Variants in CDK14 observed in about 807,000 individuals in gnomAD.
The protein encoded by CDK14 is cyclin-dependent kinase 14.
Under a neutral mutation model 60.7 loss-of-function variants are expected in CDK14, and 34 were observed. The observed-to-expected ratio is 0.56, with a 90% CI of 0.43 to 0.75. The LOEUF is 0.75. Among genes scored for constraint, CDK14 ranks in the 30% least tolerant of loss-of-function variants. The pLI is 0.00. For synonymous variants in CDK14, 197 were observed against 203.7 expected (o/e 0.97, Z 0.28); for missense variants, 482 against 564.1 (o/e 0.85, Z 1.47).
chr7:90,706,716 A>G (rs899207325), intron 2 of CDK14, among the ~76,000 whole-genome samples: 4 of 152,168 alleles, frequency 2.6e-5, no homozygotes, highest in African/African-American at 7.2e-5. Context: ...AGAACAGCAA[A>G]CAGAAACATT....
chr7:90,942,514 A>T (rs1326839961), intron 8 of CDK14, among the ~76,000 whole-genome samples: 1 of 152,218 alleles, frequency 6.6e-6, no homozygotes, highest in African/African-American at 2.4e-5. Flanking sequence ...TCCTTGTGAG[A>T]TTTAGACTTA....
chr7:90,840,403 G>A (rs1391819534), intron 5 of CDK14, among the ~76,000 whole-genome samples: 1 of 152,158 alleles, frequency 6.6e-6, no homozygotes, highest in African/African-American at 2.4e-5. Flanking sequence ...TTTCTTTAAA[G>A]CCATAGTGAT....
chr7:91,099,475 T>C (rs527401251), intron 12 of CDK14, among the ~76,000 whole-genome samples: 3 of 152,284 alleles, frequency 2.0e-5, no homozygotes, highest in African/African-American at 7.2e-5. Flanking sequence ...ATCTTTATTC[T>C]CCAAATAGTA....
At chr7:90,996,186 A>T (rs1795677025) in intron 10 of CDK14, among the ~76,000 whole-genome samples, 1 of 152,204 alleles carries the variant, frequency 6.6e-6, no homozygotes, top group African/African-American at 2.4e-5. Flanking sequence ...GCAAATGAAT[A>T]TTTGTAATCA....
chr7:90,805,488 G>A (rs933121898), intron 5 of CDK14, among the ~76,000 whole-genome samples: 2 of 151,758 alleles, frequency 1.3e-5, no homozygotes, highest in African/African-American at 4.8e-5. Flanking sequence ...TGAACATGTG[G>A]AAAACAAAAT....
intron 11 of CDK14, among the ~76,000 whole-genome samples, chr7:91,068,807 TAAAAAAAAAAAA>T (rs57179045): frequency 1.5e-5 from 1 of 68,794 alleles, no homozygotes; most frequent in African/African-American, 5.3e-5. Flanking sequence ...TACCTTATAT[TAAAAAAAAAAAA>T]AAAAAAAAAA....
chr7:90,750,153 AACACACACACACACACACACACACACAC>A (rs3138824), intron 4 of CDK14, among the ~76,000 whole-genome samples: 21 of 131,320 alleles, frequency 1.6e-4, no homozygotes, highest in Admixed American at 7.4e-4. Flanking sequence ...GGGGAAAGAA[AACACACACACACACACACACACACACAC>A]ACACACACAC....
At position 91,129,345 on chromosome 7, in the gene CDK14, C is replaced by T. The variant is rs145282121; in HGVS notation, c.*28+11137C>T. Among the ~76,000 whole-genome samples the T allele has an allele frequency of 9.2e-3, 1,397 of 152,030 alleles. 15 individuals are homozygous for T. The highest frequency in any genetic ancestry group is 0.03 in the African/African-American group (1,261 of 41,450). On this transcript the variant is annotated intron_variant, in intron 14 of 14. Coordinates refer to ENST00000380050, the MANE Select transcript of CDK14 (RefSeq NM_001287135.2). ...CCACACAATTCAATTTTGGAGGGGGCGGAAAAAGCTTCACTTAATAATATT... is the reference window on the plus strand; with the variant it reads ...CCACACAATTCAATTTTGGAGGGGGTGGAAAAAGCTTCACTTAATAATATT...
intron 11 of CDK14, among the ~76,000 whole-genome samples, chr7:91,053,812 G>T (rs891901547): frequency 1.3e-5 from 2 of 152,106 alleles, no homozygotes; most frequent in Non-Finnish European, 2.9e-5. Flanking sequence ...ACTGCGGGGG[G>T]GCTCTTTGTG....
chr7:90,855,325 T>TAATG (rs1435596064), intron 5 of CDK14, among the ~76,000 whole-genome samples: 6 of 152,344 alleles, frequency 3.9e-5, no homozygotes, highest in Non-Finnish European at 8.8e-5. Flanking sequence ...ACTGCAGTTA[T>TAATG]AATGATTCAT....
At chr7:90,973,251 G>A (rs1794977978) in intron 9 of CDK14, among the ~76,000 whole-genome samples, 2 of 152,130 alleles carry the variant, frequency 1.3e-5, no homozygotes, top group South Asian at 4.2e-4. Flanking sequence ...TTTCAATTAG[G>A]AAATTATGTA....
At chr7:91,203,434 G>A (rs1802789193) in intron 14 of CDK14, among the ~76,000 whole-genome samples, 1 of 152,194 alleles carries the variant, frequency 6.6e-6, no homozygotes. Flanking sequence ...AGAACATACT[G>A]ATGCCACCTG....
intron 6 of CDK14, among the ~76,000 whole-genome samples, chr7:90,873,641 A>G (rs1030384535): frequency 1.3e-5 from 2 of 152,152 alleles, no homozygotes; most frequent in African/African-American, 4.8e-5. Flanking sequence ...ATGTATTTAG[A>G]TTAAGTCAAT....
intron 6 of CDK14, among the ~76,000 whole-genome samples, chr7:90,870,551 G>A (rs1791338173): frequency 6.6e-6 from 1 of 152,120 alleles, no homozygotes; most frequent in African/African-American, 2.4e-5. Flanking sequence ...AATACATTCG[G>A]ATACAGGGCA....
At chr7:90,647,703 A>G (rs966801453) in intron 2 of CDK14, among the ~76,000 whole-genome samples, 2 of 152,132 alleles carry the variant, frequency 1.3e-5, no homozygotes, top group South Asian at 4.1e-4. Flanking sequence ...ATAAATTGCT[A>G]CATTAAGCCA....
At chr7:91,173,429 T>TG (rs1801595855) in intron 14 of CDK14, among the ~76,000 whole-genome samples, 1 of 146,136 alleles carries the variant, frequency 6.8e-6, no homozygotes, top group South Asian at 2.2e-4. Context: ...CTGCATCTCT[T>TG]AAAAAAAAAA....
chr7:91,088,415 C>G (rs996934458), intron 12 of CDK14, among the ~76,000 whole-genome samples: 1 of 152,154 alleles, frequency 6.6e-6, no homozygotes, highest in Non-Finnish European at 1.5e-5. Flanking sequence ...AACAAAAATG[C>G]ACTGAAAAGC....
At chr7:90,818,661 A>G (rs990956324) in intron 5 of CDK14, among the ~76,000 whole-genome samples, 1 of 152,220 alleles carries the variant, frequency 6.6e-6, no homozygotes, top group Admixed American at 6.5e-5. Flanking sequence ...GCAACGAGTA[A>G]TAGTAAATTT....
chr7:90,852,753 G>T (rs1790690798), intron 5 of CDK14, among the ~76,000 whole-genome samples: 3 of 152,184 alleles, frequency 2.0e-5, no homozygotes. Flanking sequence ...ATTCATGTAA[G>T]TGGCAGAGCT....
Sources: gnomAD v4.1 joint callset for allele counts (sites outside exome capture counted in the v4.1 genomes callset) on GRCh38, gnomAD v4.1.1 for gene constraint, MANE v1.5 for transcripts, NCBI Gene and HGNC (gene_info 2026-07-23, HGNC 2026-07-21) for gene names.